Variants in FARS2 observed in about 807,000 individuals in gnomAD.
FARS2 encodes the protein phenylalanine--tRNA ligase, mitochondrial.
Under a neutral mutation model 46.4 loss-of-function variants are expected in FARS2, and 40 were observed. The observed-to-expected ratio is 0.86, with a 90% CI of 0.67 to 1.12. FARS2 has a LOEUF of 1.12. Ranked by LOEUF, FARS2 falls within the 50% of genes most tolerant of loss-of-function variation. The pLI is 0.00. For missense variants in FARS2, 513 were observed against 567.9 expected, an observed-to-expected ratio of 0.90 and a Z score of 0.98; for synonymous variants, 234 against 214.9, an observed-to-expected ratio of 1.09 and a Z score of -0.78.
At chr6:5,578,680 G>C (rs1320516184) in intron 5 of FARS2, among the ~76,000 whole-genome samples, 1 of 151,514 alleles carries the variant, frequency 6.6e-6, no homozygotes, top group African/African-American at 2.4e-5. Context: ...GTGGTGGTGG[G>C]CGCCTATAGT....
intron 1 of FARS2, among the ~76,000 whole-genome samples, chr6:5,279,207 C>T (rs999177392): frequency 2.0e-5 from 3 of 151,770 alleles, no homozygotes; most frequent in Admixed American, 6.6e-5. Context: ...GAAACCCCGT[C>T]TCTACTAAAA....
At chr6:5,279,771 C>G (rs897885556) in intron 1 of FARS2, among the ~76,000 whole-genome samples, 1 of 152,072 alleles carries the variant, frequency 6.6e-6, no homozygotes, top group Non-Finnish European at 1.5e-5. Context: ...GCTTGAAAGA[C>G]AGGCAAAGAG....
At chr6:5,345,760 T>C (rs1201232922) in intron 1 of FARS2, among the ~76,000 whole-genome samples, 1 of 152,234 alleles carries the variant, frequency 6.6e-6, no homozygotes, top group Non-Finnish European at 1.5e-5. Flanking sequence ...ATTTTCCATT[T>C]GTATTAATTA....
chr6:5,341,546 T>A (rs957252701), intron 1 of FARS2, among the ~76,000 whole-genome samples: 1 of 151,876 alleles, frequency 6.6e-6, no homozygotes, highest in Non-Finnish European at 1.5e-5. Context: ...TGAGACAGAG[T>A]CTCGCTCTGT....
chr6:5,449,209 T>C lies in FARS2; in HGVS notation c.904+18037T>C, dbSNP rs565119151. 7.3e-5 allele frequency among the ~76,000 whole-genome samples: 11 copies of C among 151,438 alleles called. No homozygotes were observed. The South Asian group carries it at 2.3e-3, about 32-fold the overall frequency. The stretch of plus-strand genomic sequence containing the variant: ...ACTACAAATGCAAAAATTAGCTGGG[T>C]GTGTTGGTGGGCACCTGTAATACCA... On this transcript the variant is annotated intron_variant, in intron 4 of 6. Coordinates refer to ENST00000274680, the MANE Select transcript of FARS2 (RefSeq NM_006567.5).
intron 6 of FARS2, among the ~76,000 whole-genome samples, chr6:5,635,735 C>T (rs1230133991): frequency 3.9e-5 from 6 of 152,008 alleles, no homozygotes; most frequent in Non-Finnish European, 7.4e-5. Context: ...TCGTTGTTTC[C>T]CCAGGTTTTG....
At chr6:5,468,439 C>A (rs75192783) in intron 4 of FARS2, among the ~76,000 whole-genome samples, 5,496 of 151,686 alleles carry the variant, frequency 0.036, 315 homozygotes, top group African/African-American at 0.13. Context: ...TATCTTATTA[C>A]AATAATTGAA....
At chr6:5,599,886 CTT>C (rs571022826) in intron 5 of FARS2, among the ~76,000 whole-genome samples, 3 of 143,684 alleles carry the variant, frequency 2.1e-5, no homozygotes, top group Admixed American at 7.0e-5. Context: ...AGGCTTGCTT[CTT>C]TTTTTTTTTT....
chr6:5,636,774 A>G (rs1776564798), intron 6 of FARS2, among the ~76,000 whole-genome samples: 1 of 152,212 alleles, frequency 6.6e-6, no homozygotes, highest in Non-Finnish European at 1.5e-5. Flanking sequence ...GGAGTTCAGC[A>G]GAGGCACCCT....
At chr6:5,662,644 T>G (rs1375593191) in intron 6 of FARS2, among the ~76,000 whole-genome samples, 2 of 152,248 alleles carry the variant, frequency 1.3e-5, no homozygotes, top group African/African-American at 4.8e-5. Context: ...TACTTTCAGT[T>G]AATTATCAAA....
At chr6:5,648,631 T>C (rs574559266) in intron 6 of FARS2, among the ~76,000 whole-genome samples, 6 of 152,252 alleles carry the variant, frequency 3.9e-5, no homozygotes, top group South Asian at 2.1e-4. Context: ...TTTCTTTTTT[T>C]CCCCTTTATT....
chr6:5,270,955 ACTTGAGTACAT>A (rs1765903779), intron 1 of FARS2, among the ~76,000 whole-genome samples: 1 of 152,214 alleles, frequency 6.6e-6, no homozygotes, highest in Non-Finnish European at 1.5e-5. Flanking sequence ...ACCTTCTCTA[ACTTGAGTACAT>A]CTTCCTCTGT....
intron 4 of FARS2, among the ~76,000 whole-genome samples, chr6:5,498,010 A>G (rs1048754895): frequency 6.6e-6 from 1 of 152,158 alleles, no homozygotes; most frequent in African/African-American, 2.4e-5. Flanking sequence ...AGGGATAGCT[A>G]TCTTCTCTGA....
At chr6:5,378,351 T>G (rs1759522383) in intron 2 of FARS2, among the ~76,000 whole-genome samples, 1 of 152,176 alleles carries the variant, frequency 6.6e-6, no homozygotes, top group East Asian at 1.9e-4. Flanking sequence ...GAGGCGCTTC[T>G]TTTTGAACAC....
intron 6 of FARS2, among the ~76,000 whole-genome samples, chr6:5,625,123 CT>C (rs1775968338): frequency 6.6e-6 from 1 of 152,194 alleles, no homozygotes; most frequent in South Asian, 2.1e-4. Flanking sequence ...ATCCTGGCCC[CT>C]TCAGAGGGAC....
chr6:5,747,970 T>G lies in FARS2; in HGVS notation c.1218-23321T>G, dbSNP rs146137150. On this transcript the variant is annotated intron_variant, in intron 6 of 6. Transcript: ENST00000274680. ...CTAAGCTCATTCCTTTCTGAAATAT[T>G]GTTTCATCCTGGATCATTTCTTGAG... Among the ~76,000 whole-genome samples, 519 of 152,326 alleles carry G rather than the reference T, an allele frequency of 3.4e-3. 4 individuals carry two copies. The highest frequency in any genetic ancestry group is 0.012 in the African/African-American group (497 of 41,578).
At chr6:5,721,003 T>C (rs552733283) in intron 6 of FARS2, among the ~76,000 whole-genome samples, 156 of 152,316 alleles carry the variant, frequency 1.0e-3, no homozygotes, top group Non-Finnish European at 1.6e-3. Flanking sequence ...CAGTGAGCTG[T>C]GATCATACCA....
chr6:5,702,232 A>T (rs1285129831), intron 6 of FARS2, among the ~76,000 whole-genome samples: 1 of 152,206 alleles, frequency 6.6e-6, no homozygotes, highest in Non-Finnish European at 1.5e-5. Flanking sequence ...AGGGAAAAAC[A>T]CATTTTAGTA....
Position 5,515,971 on chromosome 6 carries a change from T to A in FARS2, c.905-29209T>A, listed in dbSNP as rs373884350. The stretch of plus-strand genomic sequence containing the variant: ...TGTAATTTAGTTTGCTGTGTTAGGG[T>A]AATTAAGCATGAGCTGCTGCAACAG... On this transcript the variant is annotated intron_variant, in intron 4 of 6. Transcript: ENST00000274680. 1.2e-4 allele frequency among the ~76,000 whole-genome samples: 18 copies of A among 152,284 alleles called. No homozygotes were observed. In the East Asian group the frequency reaches 2.9e-3, roughly 24 times the overall value.
Sources: gnomAD v4.1 joint callset for allele counts (sites outside exome capture counted in the v4.1 genomes callset) on GRCh38, gnomAD v4.1.1 for gene constraint, MANE v1.5 for transcripts, NCBI Gene and HGNC (gene_info 2026-07-23, HGNC 2026-07-21) for gene names.